PTPN5: variants seen among roughly 807,000 people sequenced by gnomAD.
PTPN5 encodes the protein tyrosine-protein phosphatase non-receptor type 5.
In PTPN5, 29 loss-of-function variants were observed where a neutral mutation model predicts 73.9. The observed-to-expected ratio is 0.39, with a 90% CI of 0.29 to 0.54. PTPN5 has a LOEUF of 0.54. Among genes scored for constraint, PTPN5 ranks in the 20% least tolerant of loss-of-function variants. The probability of loss-of-function intolerance (pLI) is 0.65; values close to 1 mark genes in which losing one functional copy is unlikely to be tolerated. For synonymous variants in PTPN5, 267 were observed against 304.7 expected (o/e 0.88, Z 1.29); for missense variants, 652 against 751.4 (o/e 0.87, Z 1.55).
intron 8 of PTPN5, 89 bp downstream of exon 8, chr11:18,740,514 A>C: frequency 8.3e-7 from 1 of 1,207,258 alleles, no homozygotes; most frequent in Non-Finnish European, 1.1e-6. Flanking sequence ...GCAGATGCTG[A>C]GTTCCAGGCA....
Position 18,729,438 on chromosome 11 carries a change from C to T in PTPN5, c.1604+15G>A, listed in dbSNP as rs202114914. On this transcript the variant is annotated intron_variant, in intron 14 of 14. Coordinates refer to ENST00000358540, the MANE Select transcript of PTPN5 (RefSeq NM_006906.2). The surrounding 1 kb of genome is among the most constrained non-coding windows in gnomAD (Gnocchi z 5.2). ...TAGCTCCCTTGTGTGTCCCCACTCC[C>T]GCCCGTGGGCTGACCTGTCCTGACG... The T allele has an allele frequency of 8.4e-5, 109 of 1,292,462 alleles. No homozygotes were observed. The highest frequency in any genetic ancestry group is 3.6e-4 in the South Asian group (31 of 85,008). The allele number at this position is 1,292,462 out of a possible 1,614,324, so 80.1% of individuals were successfully genotyped here.
intron 9 of PTPN5, 152 bp downstream of exon 9, chr11:18,737,728 C>T (rs1015750745): frequency 3.4e-5 from 23 of 674,970 alleles, no homozygotes; most frequent in African/African-American, 2.7e-4. Flanking sequence ...ACCAGGGCAG[C>T]GCTTCCCTTC....
chr11:18,788,180 T>TACAACC (rs1447224388), intron 1 of PTPN5, among the ~76,000 whole-genome samples: 2 of 152,332 alleles, frequency 1.3e-5, no homozygotes, highest in East Asian at 3.9e-4. Flanking sequence ...TAACCATTCT[T>TACAACC]ACAACCACCC....
At chr11:18,783,505 T>A (rs1048604890) in intron 1 of PTPN5, among the ~76,000 whole-genome samples, 1 of 152,212 alleles carries the variant, frequency 6.6e-6, no homozygotes. Context: ...AGAGCACAGT[T>A]ACTGCCTAGG....
chr11:18,759,564 A>G (rs1469186120), intron 3 of PTPN5, among the ~76,000 whole-genome samples: 1 of 152,238 alleles, frequency 6.6e-6, no homozygotes, highest in Admixed American at 6.5e-5. Flanking sequence ...GCATCGTTAC[A>G]GAATACTGCC....
intron 1 of PTPN5, among the ~76,000 whole-genome samples, chr11:18,783,373 T>A (rs1851528941): frequency 6.6e-6 from 1 of 152,214 alleles, no homozygotes; most frequent in African/African-American, 2.4e-5. Context: ...CTGTTTTACA[T>A]CATGGGCTAA....
Position 18,729,435 on chromosome 11 carries a change from TC to T in PTPN5, c.1604+17del. ...CTCTAGCTCCCTTGTGTGTCCCCAC[TC>T]CCGCCCGTGGGCTGACCTGTCCTGA... On this transcript the variant is annotated intron_variant, in intron 14 of 14. Coordinates refer to ENST00000358540, the MANE Select transcript of PTPN5 (RefSeq NM_006906.2). This position sits in a 1 kb window ranked among gnomAD's most constrained non-coding sequence, Gnocchi z 5.2. The T allele has an allele frequency of 8.1e-7, 1 of 1,241,608 alleles. No homozygotes were observed. Among genetic ancestry groups the T allele is most frequent in the South Asian group, 1.2e-5 (1 of 83,892 alleles). 76.9% of individuals were successfully genotyped at this position (1,241,608 alleles called of 1,614,324 possible).
intron 1 of PTPN5, among the ~76,000 whole-genome samples, chr11:18,774,371 C>T (rs944310769): frequency 4.6e-5 from 7 of 152,228 alleles, no homozygotes; most frequent in Admixed American, 6.5e-5. Context: ...TTGTCTGGGG[C>T]AGCCTTTGGA....
chr11:18,731,193 A>G (rs1445308389), intron 12 of PTPN5, among the ~76,000 whole-genome samples: 1 of 147,692 alleles, frequency 6.8e-6, no homozygotes, highest in Non-Finnish European at 1.5e-5. Context: ...TTATATATTT[A>G]TATTATATAT....
intron 9 of PTPN5, 119 bp downstream of exon 9, chr11:18,737,761 G>A (rs1163378906): frequency 3.4e-6 from 3 of 871,684 alleles, no homozygotes; most frequent in Non-Finnish European, 5.7e-6. Flanking sequence ...CCAGCCCTCT[G>A]TCCCACCTCC....
chr11:18,791,327 C>A (rs1267312885), intron 1 of PTPN5, among the ~76,000 whole-genome samples, 198 bp downstream of exon 1: 2 of 152,210 alleles, frequency 1.3e-5, no homozygotes, highest in East Asian at 3.9e-4. Context: ...AGCGACAAGC[C>A]CCCTCCTCTG....
At chr11:18,784,724 TC>T (rs1851591790) in intron 1 of PTPN5, among the ~76,000 whole-genome samples, 1 of 152,116 alleles carries the variant, frequency 6.6e-6, no homozygotes, top group African/African-American at 2.4e-5. Context: ...AGGACAGACT[TC>T]CCTCTGAAAT....
chr11:18,738,235 A>C (rs948652859), intron 8 of PTPN5, among the ~76,000 whole-genome samples: 2 of 152,238 alleles, frequency 1.3e-5, no homozygotes, highest in Non-Finnish European at 1.5e-5. Flanking sequence ...TGATGAATGA[A>C]GAAAAAGACA....
chr11:18,749,382 C>T (rs376626171), intron 3 of PTPN5: 111 of 518,102 alleles, frequency 2.1e-4, no homozygotes, highest in Non-Finnish European at 3.2e-4. Context: ...GATTCAAACC[C>T]AGGGCTTTCC....
chr11:18,741,352 A>C (rs1234115264), intron 7 of PTPN5, among the ~76,000 whole-genome samples: 5 of 152,266 alleles, frequency 3.3e-5, no homozygotes, highest in Middle Eastern at 6.8e-3. Flanking sequence ...GGATGTCTAC[A>C]ATGGGCAAAC....
rs141589570 is a variant in PTPN5 at position 18,774,165 on chromosome 11, G to A, written c.-113-2094C>T. Among the ~76,000 whole-genome samples, 549 of 152,270 alleles carry A rather than the reference G, an allele frequency of 3.6e-3. 3 individuals are homozygous for A. The highest frequency in any genetic ancestry group is 5.2e-3 in the Non-Finnish European group (352 of 68,024). On this transcript the variant is annotated intron_variant, in intron 1 of 14. Transcript: ENST00000358540. ...TAAATTTTTCTCATATGTCTAACAC[G>A]GATGACAACACCTTCCACACAGGAT...
At chr11:18,738,679 A>C (rs1849225806) in intron 8 of PTPN5, among the ~76,000 whole-genome samples, 1 of 152,088 alleles carries the variant, frequency 6.6e-6, no homozygotes, top group Non-Finnish European at 1.5e-5. Flanking sequence ...CCCACCCTTT[A>C]AAGTTCACCT....
intron 1 of PTPN5, among the ~76,000 whole-genome samples, chr11:18,780,794 G>A (rs952999805): frequency 3.3e-5 from 5 of 152,142 alleles, no homozygotes; most frequent in African/African-American, 1.2e-4. Flanking sequence ...TATCCCCCAC[G>A]ACAGAAAGCC....
intron 3 of PTPN5, among the ~76,000 whole-genome samples, chr11:18,754,368 G>A (rs974109826): frequency 1.3e-5 from 2 of 152,206 alleles, no homozygotes; most frequent in African/African-American, 4.8e-5. Context: ...CTGCAGCACA[G>A]CCGACTGTCA....
Sources: gnomAD v4.1 joint callset for allele counts (sites outside exome capture counted in the v4.1 genomes callset) on GRCh38, gnomAD v4.1.1 for gene constraint, Gnocchi (gnomAD v3.1) non-coding constraint, MANE v1.5 for transcripts, NCBI Gene and HGNC (gene_info 2026-07-23, HGNC 2026-07-21) for gene names.